ABCA13: variants seen among roughly 807,000 people sequenced by gnomAD.
The protein encoded by ABCA13 is ATP binding cassette subfamily A member 13, also known as ATP-binding cassette sub-family A member 13.
ABCA13 carries 476 observed loss-of-function variants against 478.7 expected under a neutral mutation model. The observed-to-expected ratio is 0.99, with a 90% CI of 0.92 to 1.07. The LOEUF is 1.07. Ranked by LOEUF, ABCA13 falls within the 50% of genes least tolerant of loss-of-function variation. The probability of loss-of-function intolerance (pLI) is 0.00; values close to 1 mark genes in which losing one functional copy is unlikely to be tolerated. For synonymous variants in ABCA13, 2,252 were observed against 2,158.9 expected (o/e 1.04, Z -1.20); for missense variants, 6,060 against 5,910.6 (o/e 1.03, Z -0.83).
At chr7:48,379,268 C>T (rs943206479) in intron 35 of ABCA13, among the ~76,000 whole-genome samples, 2 of 152,056 alleles carry the variant, frequency 1.3e-5, no homozygotes, top group African/African-American at 4.8e-5. Context: ...CAAAGTCTGC[C>T]AATAATAACA....
intron 16 of ABCA13, among the ~76,000 whole-genome samples, chr7:48,270,980 C>T (rs907883808): frequency 4.6e-5 from 7 of 152,172 alleles, no homozygotes; most frequent in Non-Finnish European, 8.8e-5. Flanking sequence ...TCCTGCGTCG[C>T]GAGATCATTC....
intron 27 of ABCA13, among the ~76,000 whole-genome samples, chr7:48,329,366 A>G (rs1406931805): frequency 6.6e-6 from 1 of 152,120 alleles, no homozygotes; most frequent in Non-Finnish European, 1.5e-5. Flanking sequence ...TAAGCTAGTT[A>G]TTTCATGTTC....
intron 1 of ABCA13, among the ~76,000 whole-genome samples, chr7:48,172,075 C>T (rs1794150920): frequency 1.3e-5 from 2 of 152,322 alleles, no homozygotes; most frequent in East Asian, 3.9e-4. Flanking sequence ...ATTACATTAG[C>T]AAGGTTTTCC....
intron 42 of ABCA13, among the ~76,000 whole-genome samples, chr7:48,446,563 G>A (rs1824337182): frequency 6.6e-6 from 1 of 152,052 alleles, no homozygotes; most frequent in Non-Finnish European, 1.5e-5. Context: ...ATGATGGAAA[G>A]CAATTTTGGC....
At chr7:48,525,525 T>C (rs1832827657) in intron 54 of ABCA13, among the ~76,000 whole-genome samples, 1 of 152,142 alleles carries the variant, frequency 6.6e-6, no homozygotes, top group South Asian at 2.1e-4. Context: ...GACCCAAAGA[T>C]ACAGGGAAAC....
chr7:48,334,581 C>T (rs1380122713), intron 27 of ABCA13, among the ~76,000 whole-genome samples: 1 of 152,180 alleles, frequency 6.6e-6, no homozygotes, highest in Non-Finnish European at 1.5e-5. Context: ...ATGAGCCACC[C>T]GCCTTGGCCT....
At position 48,539,028 on chromosome 7, in the gene ABCA13, G is replaced by A. The variant is rs140665510; in HGVS notation, c.14354+10683G>A. ...GCTGGATTCAGAGGTTTAGTTAGAC[G>A]CAGGTTCAATCCTTTGGCATGACTA... On this transcript the variant is annotated intron_variant, in intron 55 of 61. Transcript: ENST00000435803. Among the ~76,000 whole-genome samples, 265 of 152,218 alleles carry A rather than the reference G, an allele frequency of 1.7e-3. 1 individual carries two copies. The highest frequency in any genetic ancestry group is 5.6e-3 in the African/African-American group (234 of 41,534).
At chr7:48,393,540 G>A (rs2129058138) in intron 38 of ABCA13, among the ~76,000 whole-genome samples, 1 of 152,312 alleles carries the variant, frequency 6.6e-6, no homozygotes, top group South Asian at 2.1e-4. Flanking sequence ...ATTTTTGCAA[G>A]CTTTACATTT....
At chr7:48,411,044 TTTCTTTTTC>T (rs1563208873) in intron 40 of ABCA13, among the ~76,000 whole-genome samples, 4 of 102,362 alleles carry the variant, frequency 3.9e-5, no homozygotes. Context: ...TCTTTCTTTC[TTTCTTTTTC>T]TTTCTTTCTT....
intron 27 of ABCA13, among the ~76,000 whole-genome samples, chr7:48,324,936 G>C (rs1804091862): frequency 6.6e-6 from 1 of 152,194 alleles, no homozygotes; most frequent in South Asian, 2.1e-4. Flanking sequence ...ATTTGGAGGA[G>C]GAGAAGATGT....
intron 20 of ABCA13, among the ~76,000 whole-genome samples, chr7:48,291,220 C>T (rs1244602557): frequency 6.6e-6 from 1 of 152,142 alleles, no homozygotes; most frequent in Non-Finnish European, 1.5e-5. Flanking sequence ...TGTGTCTCTT[C>T]TGGTAGAGCA....
intron 59 of ABCA13, among the ~76,000 whole-genome samples, chr7:48,623,540 T>A (rs531523050): frequency 3.9e-4 from 59 of 152,306 alleles, no homozygotes; most frequent in African/African-American, 1.3e-3. Context: ...TTATTTGTAG[T>A]AAGAATCCAG....
At chr7:48,412,709 A>G in intron 41 of ABCA13, 126 bp downstream of exon 41, 1 of 651,384 alleles carries the variant, frequency 1.5e-6, no homozygotes, top group East Asian at 3.0e-5. Context: ...TTTTATTTAC[A>G]TTTGATTTCT....
chr7:48,240,722 C>T (rs1790702863), intron 9 of ABCA13, 145 bp from the exon 10 acceptor site: 3 of 562,874 alleles, frequency 5.3e-6, no homozygotes, highest in Non-Finnish European at 8.3e-6. Flanking sequence ...AATCATACTG[C>T]AATTGCTAAC....
chr7:48,620,107 T>C (rs1290377839), intron 59 of ABCA13, among the ~76,000 whole-genome samples: 1 of 152,166 alleles, frequency 6.6e-6, no homozygotes, highest in African/African-American at 2.4e-5. Context: ...GCAGTCACTT[T>C]TGTCTCCACA....
At chr7:48,612,810 C>T (rs1262406041) in intron 58 of ABCA13, among the ~76,000 whole-genome samples, 2 of 151,834 alleles carry the variant, frequency 1.3e-5, no homozygotes, top group Non-Finnish European at 1.5e-5. Context: ...CTCCCACCAG[C>T]AATATATGAG....
At position 48,471,580 on chromosome 7, in the gene ABCA13, A is replaced by G. The variant is rs1585474039; in HGVS notation, c.12956A>G (p.Gln4319Arg). ...GATCCCTTTTCTCACCCAGAATTCCAGGATTCATGTGGCTGCCTGGTAGGT... is the reference window on the plus strand; with the variant it reads ...GATCCCTTTTCTCACCCAGAATTCCGGGATTCATGTGGCTGCCTGGTAGGT... ...RTDPFSHPEF[Q>R]DSCGCLKCPN... The change falls in exon 45 of 62, where the codon CAG (glutamine) becomes CGG (arginine). Residue 4319 changes from glutamine to arginine, a missense_variant. Coordinates refer to ENST00000435803, the MANE Select transcript of ABCA13 (RefSeq NM_152701.5). 6.4e-7 allele frequency: 1 copy of G among 1,564,566 alleles called. No individual in the cohort carries two copies. Among genetic ancestry groups the G allele is most frequent in the Admixed American group, 1.9e-5 (1 of 52,608 alleles).
chr7:48,352,040 G>A (rs1242315412), intron 30 of ABCA13, 141 bp from the exon 31 acceptor site: 3 of 743,022 alleles, frequency 4.0e-6, no homozygotes, highest in East Asian at 5.3e-5. Context: ...TTGCCACTGC[G>A]GGCTGGGGCT....
intron 55 of ABCA13, among the ~76,000 whole-genome samples, chr7:48,551,742 G>A (rs780156334): frequency 2.7e-5 from 4 of 149,926 alleles, no homozygotes; most frequent in Non-Finnish European, 4.5e-5. Context: ...TTTTATTTTT[G>A]TAACAAAGGA....
Sources: allele counts gnomAD v4.1 joint callset (sites outside exome capture counted in the v4.1 genomes callset), GRCh38; gene constraint gnomAD v4.1.1; transcripts MANE v1.5; gene names NCBI Gene and HGNC (gene_info 2026-07-23, HGNC 2026-07-21).